The following LINS1 variants were observed in gnomAD, a reference collection of about 807,000 sequenced individuals.
LINS1 encodes the protein lines homolog 1.
LINS1 carries 27 observed loss-of-function variants against 41.6 expected under a neutral mutation model. The ratio of observed to expected loss-of-function variants is 0.65; its 90% CI spans 0.48 to 0.89. LINS1 has a LOEUF of 0.89. Ranked by LOEUF, LINS1 falls within the 40% of genes least tolerant of loss-of-function variation. The probability of loss-of-function intolerance (pLI) is 0.00; values close to 1 mark genes in which losing one functional copy is unlikely to be tolerated. For missense variants in LINS1, 955 were observed against 884.1 expected (o/e 1.08, Z -1.02); for synonymous variants, 336 against 312.9 (o/e 1.07, Z -0.78).
intron 4 of LINS1, 107 bp downstream of exon 4, chr15:100,574,880 T>G: frequency 8.6e-7 from 1 of 1,162,708 alleles, no homozygotes; most frequent in East Asian, 2.4e-5. Flanking sequence ...ACTTTTTCAT[T>G]ACTTTAAGAC....
At position 100,569,650 on chromosome 15, in the gene LINS1, CG is replaced by C; in HGVS notation, c.1861del (p.Arg621GlyfsTer7). On this transcript the variant is annotated frameshift_variant, in exon 7 of 7. Coordinates refer to ENST00000314742, the MANE Select transcript of LINS1 (RefSeq NM_001040616.3). LOFTEE classifies it low-confidence loss of function (END_TRUNC). ...GTAATCTACCAGACTTTGAGAGGCC[CG>C]GGGGGAAGACAGACTAGAAGCACAC... ...TMCASSLSSP[R>X]ASQSLVDYDS... 1 of 1,612,912 alleles carries C rather than the reference CG, an allele frequency of 6.2e-7. No individual in the cohort carries two copies. Among genetic ancestry groups the C allele is most frequent in the Non-Finnish European group, 8.5e-7 (1 of 1,179,192 alleles).
At chr15:100,600,983 C>T (rs1327372593) in intron 1 of LINS1, among the ~76,000 whole-genome samples, 6 of 147,522 alleles carry the variant, frequency 4.1e-5, no homozygotes, top group Admixed American at 3.3e-4. Flanking sequence ...GTCTCATTAC[C>T]AGTCATTTTC....
intron 1 of LINS1, among the ~76,000 whole-genome samples, chr15:100,582,880 A>G (rs540716075): frequency 1.5e-3 from 221 of 148,096 alleles, no homozygotes; most frequent in African/African-American, 5.3e-3. Flanking sequence ...TTCCATCTAC[A>G]CTACGGCCCA....
intron 5 of LINS1, chr15:100,572,317 C>G: frequency 7.8e-7 from 1 of 1,277,842 alleles, no homozygotes; most frequent in South Asian, 1.6e-5. Flanking sequence ...TTTGCAACAA[C>G]TGCCTAACAA....
Position 100,573,713 on chromosome 15 carries a change from A to G in LINS1, c.1160T>C (p.Leu387Ser). ...GATTTCTAAGGATTTCATTATAACT[A>G]AGCTTGCTGCTCTAAGGATCACATG... ...PDHVILRAAS[L>S]VIMKSLEIKF... The change falls in exon 5 of 7, where the codon TTA becomes TCA. Residue 387 changes from leucine to serine, a missense_variant. By Grantham distance (145) the Leu-to-Ser change is moderately radical. Coordinates refer to ENST00000314742, the MANE Select transcript of LINS1 (RefSeq NM_001040616.3). 1 of 1,612,840 alleles carries G rather than the reference A, an allele frequency of 6.2e-7. No individual in the cohort carries two copies. Among genetic ancestry groups the G allele is most frequent in the Non-Finnish European group, 8.5e-7 (1 of 1,179,096 alleles).
In LINS1 at chr15:100,571,671, A is replaced by G. The variant is rs548612421; in HGVS notation, c.1394+223T>C. On this transcript the variant is annotated intron_variant, in intron 6 of 6. Coordinates refer to ENST00000314742, the MANE Select transcript of LINS1 (RefSeq NM_001040616.3). ...CAAATCAGAAGCCATGTTTTCAGAT[A>G]CCAATCTAGTTATACTACCTGAGAA... Among the ~76,000 whole-genome samples the G allele has an allele frequency of 9.2e-5, 14 of 152,354 alleles. No homozygotes were observed. The South Asian group carries it at 2.7e-3, about 29-fold the overall frequency.
chr15:100,600,982 C>T (rs2039466940), intron 1 of LINS1, among the ~76,000 whole-genome samples: 1 of 152,214 alleles, frequency 6.6e-6, no homozygotes, highest in South Asian at 2.1e-4. Flanking sequence ...AGTCTCATTA[C>T]CAGTCATTTT....
chr15:100,598,551 T>C (rs1457114077), intron 1 of LINS1, among the ~76,000 whole-genome samples: 2 of 152,222 alleles, frequency 1.3e-5, no homozygotes, highest in African/African-American at 4.8e-5. Flanking sequence ...TTAAAATGGC[T>C]GTGGTAGAAT....
rs764557620 is a variant in LINS1 at position 100,569,663 on chromosome 15, G to A, written c.1849C>T (p.Leu617=). 8 of 1,613,588 alleles carry A rather than the reference G, an allele frequency of 5.0e-6. No homozygotes were observed. Among genetic ancestry groups the A allele is most frequent in the Non-Finnish European group, 6.8e-6 (8 of 1,179,642 alleles). ...CTTTGAGAGGCCCGGGGGGAAGACA[G>A]ACTAGAAGCACACATGGTGTGAGCC... is the stretch of plus-strand genomic sequence containing the variant. ...KGAHTMCASS[L]SSPRASQSLV... is the part of the protein sequence containing the mutation. The change falls in exon 7 of 7, where the codon CTG becomes TTG. Residue 617 remains leucine (L), a synonymous_variant. Coordinates refer to ENST00000314742, the MANE Select transcript of LINS1 (RefSeq NM_001040616.3).
chr15:100,579,124 T>C (rs1477131299), intron 3 of LINS1, among the ~76,000 whole-genome samples: 1 of 150,634 alleles, frequency 6.6e-6, no homozygotes, highest in Non-Finnish European at 1.5e-5. Flanking sequence ...TGTATACATA[T>C]GTAACAAACC....
chr15:100,568,846 C>T lies in LINS1; in HGVS notation c.*392G>A, dbSNP rs1297408615. 2.8e-5 allele frequency: 5 copies of T among 181,026 alleles called. No homozygotes were observed. Among genetic ancestry groups the T allele is most frequent in the Admixed American group, 5.4e-5 (1 of 18,418 alleles). 11.2% of individuals were successfully genotyped at this position (181,026 alleles called of 1,614,324 possible). A position where few individuals can be genotyped will look rare whatever the true frequency, so the allele number is the denominator to read the frequency against. ...TAAGAACTTGTCTAGAAAACCCAGC[C>T]GGGCACAGTGGCTCATGCCTGTAAT... is the stretch of plus-strand genomic sequence containing the variant. On this transcript the variant is annotated 3_prime_UTR_variant, in exon 7 of 7. Transcript: ENST00000314742.
chr15:100,602,011 G>C (rs2039523876), intron 1 of LINS1, 110 bp downstream of exon 1: 1 of 152,150 alleles, frequency 6.6e-6, no homozygotes, highest in Non-Finnish European at 1.5e-5. Flanking sequence ...CCCTCTACTC[G>C]CTTCCTGGAG....
At chr15:100,586,854 A>G (rs2038821847) in intron 1 of LINS1, among the ~76,000 whole-genome samples, 1 of 152,174 alleles carries the variant, frequency 6.6e-6, no homozygotes, top group South Asian at 2.1e-4. Context: ...CTTGATTAAA[A>G]TAAAGTAAGT....
chr15:100,587,082 C>T (rs891414407), intron 1 of LINS1, among the ~76,000 whole-genome samples: 1 of 145,952 alleles, frequency 6.9e-6, no homozygotes, highest in Non-Finnish European at 1.5e-5. Flanking sequence ...TCGCTTGAGC[C>T]CAGGAGGCAG....
chr15:100,571,859 T>C, intron 6 of LINS1, 35 bp downstream of exon 6: 2 of 1,612,434 alleles, frequency 1.2e-6, no homozygotes. Flanking sequence ...TCCTGACTTG[T>C]AGGCCGTTCA....
chr15:100,570,296 G>A (rs542726658), intron 6 of LINS1, 179 bp from the exon 7 acceptor site: 58 of 502,268 alleles, frequency 1.2e-4, no homozygotes, highest in South Asian at 3.2e-4. Flanking sequence ...AAAGAAATCT[G>A]ACTCAGTAAA....
Position 100,580,273 on chromosome 15 carries a change from A to C in LINS1, c.479T>G (p.Leu160Trp). The change falls in exon 3 of 7, where the codon TTG becomes TGG. Residue 160 changes from leucine to tryptophan, a missense_variant. Leu to Trp is a moderately conservative substitution (Grantham distance 61). Coordinates refer to ENST00000314742, the MANE Select transcript of LINS1 (RefSeq NM_001040616.3). ...GATTACTTATCTTACCTTTTCTCTC[A>C]ATTGGAAATATAGAAGCAATGCAAG... ...QCLALLLYFQ[L>W]REKITLSNSW... 1 of 1,601,810 alleles carries C rather than the reference A, an allele frequency of 6.2e-7. No homozygotes were observed. The highest frequency in any genetic ancestry group is 1.1e-5 in the South Asian group (1 of 90,596).
At chr15:100,598,751 A>G (rs6598364) in intron 1 of LINS1, among the ~76,000 whole-genome samples, 149,501 of 152,352 alleles carry the variant, frequency 0.98, 73,413 homozygotes, top group Non-Finnish European at 1. Context: ...TAACAAGGCA[A>G]ATGATGGGCT....
At chr15:100,575,628 T>A (rs920068770) in intron 3 of LINS1, among the ~76,000 whole-genome samples, 1 of 152,068 alleles carries the variant, frequency 6.6e-6, no homozygotes, top group African/African-American at 2.4e-5. Flanking sequence ...GACAGAAAGT[T>A]AACAAGGATA....
Sources: gnomAD v4.1 joint callset for allele counts (sites outside exome capture counted in the v4.1 genomes callset) on GRCh38, gnomAD v4.1.1 for gene constraint, MANE v1.5 for transcripts, NCBI Gene and HGNC (gene_info 2026-07-23, HGNC 2026-07-21) for gene names.